APBA1: variants seen among roughly 807,000 people sequenced by gnomAD.
The protein encoded by APBA1 is amyloid beta precursor protein binding family A member 1, also known as amyloid-beta A4 precursor protein-binding family A member 1.
A neutral mutation model predicts 86.6 loss-of-function variants in APBA1; 55 were observed. The observed-to-expected ratio is 0.64, with a 90% confidence interval of 0.51 to 0.80. The LOEUF (loss-of-function observed/expected upper bound fraction) is 0.80, where lower values mean the gene tolerates loss of function less well. APBA1 is among the 30% of genes least tolerant of loss of function. APBA1 has a pLI of 0.00. For missense variants in APBA1, 1,090 were observed against 1,183.0 expected, an observed-to-expected ratio of 0.92 and a Z score of 1.15; for synonymous variants, 511 against 493.9, an observed-to-expected ratio of 1.03 and a Z score of -0.46.
chr9:69,539,348 A>G (rs1263276639), intron 1 of APBA1, among the ~76,000 whole-genome samples: 2 of 152,148 alleles, frequency 1.3e-5, no homozygotes, highest in African/African-American at 2.4e-5. Flanking sequence ...TGTTCTTTCC[A>G]CTGTCTGCCT....
chr9:69,525,600 G>C (rs552321158), intron 1 of APBA1, among the ~76,000 whole-genome samples: 1 of 151,388 alleles, frequency 6.6e-6, no homozygotes, highest in African/African-American at 2.4e-5. Flanking sequence ...ACAAACAAAG[G>C]GTAAAATGGA....
At chr9:69,492,923 C>T (rs1415887803) in intron 2 of APBA1, among the ~76,000 whole-genome samples, 1 of 152,016 alleles carries the variant, frequency 6.6e-6, no homozygotes, top group East Asian at 1.9e-4. Context: ...TTAAAAATTA[C>T]AGAGTTTTGC....
chr9:69,621,694 C>A (rs1174202655), intron 1 of APBA1, among the ~76,000 whole-genome samples: 1 of 8,428 alleles, frequency 1.2e-4, no homozygotes, highest in Non-Finnish European at 1.3e-3. Flanking sequence ...ATATCAAGTA[C>A]TTATTAATAG....
At position 69,672,247 on chromosome 9, in the gene APBA1, C is replaced by T. The variant is rs138398728; in HGVS notation, c.-164G>A. ...TGGGAATAAAGCTCCGCTCCAGCCG[C>T]TGCTGCCTCCAGCGCCACCATCTTC... On this transcript the variant is annotated 5_prime_UTR_variant, in exon 1 of 13. Coordinates refer to ENST00000265381, the MANE Select transcript of APBA1 (RefSeq NM_001163.4). 2,228 of 167,578 alleles carry T rather than the reference C, an allele frequency of 0.013. 57 individuals carry two copies. Among genetic ancestry groups the T allele is most frequent in the African/African-American group, 0.05 (2,099 of 41,700 alleles). 10.4% of individuals were successfully genotyped at this position (167,578 alleles called of 1,614,324 possible).
At chr9:69,649,693 C>A (rs1163983184) in intron 1 of APBA1, among the ~76,000 whole-genome samples, 1 of 152,204 alleles carries the variant, frequency 6.6e-6, no homozygotes, top group Non-Finnish European at 1.5e-5. Flanking sequence ...ATGTAGAATG[C>A]ACAGCACTCA....
intron 1 of APBA1, among the ~76,000 whole-genome samples, chr9:69,584,554 C>T (rs1588378027): frequency 6.6e-6 from 1 of 152,338 alleles, no homozygotes; most frequent in East Asian, 1.9e-4. Flanking sequence ...AACTTCTCCA[C>T]AGGCAAAATG....
At chr9:69,452,368 C>T in intron 8 of APBA1, 67 bp from the exon 9 acceptor site, 2 of 1,498,432 alleles carry the variant, frequency 1.3e-6, no homozygotes, top group African/African-American at 1.4e-5. Context: ...GCCTGGCGCA[C>T]TTCCCACCTG....
At chr9:69,542,147 G>A (rs1014736611) in intron 1 of APBA1, among the ~76,000 whole-genome samples, 3 of 152,236 alleles carry the variant, frequency 2.0e-5, no homozygotes, top group East Asian at 1.9e-4. Context: ...TGAACAAAAT[G>A]TATGGAGTTC....
At chr9:69,569,168 C>T (rs1278303334) in intron 1 of APBA1, among the ~76,000 whole-genome samples, 1 of 152,160 alleles carries the variant, frequency 6.6e-6, no homozygotes, top group African/African-American at 2.4e-5. Context: ...ACTTGGTCAC[C>T]TTCCTAGGGA....
Position 69,534,411 on chromosome 9 carries a change from G to A in APBA1, c.-69-17132C>T, listed in dbSNP as rs537432193. Among the ~76,000 whole-genome samples, 7 of 152,288 alleles carry A rather than the reference G, an allele frequency of 4.6e-5. No homozygotes were observed. The East Asian group carries it at 1.4e-3, about 29-fold the overall frequency. ...CTGAGCTGGGTCATCTAACCAATGAGTTTGCTTTTTCCATGTTCTCTTTCA... is the reference window on the plus strand; with the variant it reads ...CTGAGCTGGGTCATCTAACCAATGAATTTGCTTTTTCCATGTTCTCTTTCA... On this transcript the variant is annotated intron_variant, in intron 1 of 12. Coordinates refer to ENST00000265381, the MANE Select transcript of APBA1 (RefSeq NM_001163.4).
At chr9:69,498,069 T>C (rs10867668) in intron 2 of APBA1, among the ~76,000 whole-genome samples, 22,921 of 151,988 alleles carry the variant, frequency 0.15, 2,350 homozygotes, top group East Asian at 0.28. Flanking sequence ...ATCTCCTCCC[T>C]GGGGAGGGAG....
intron 1 of APBA1, among the ~76,000 whole-genome samples, chr9:69,654,462 C>A (rs961073108): frequency 2.6e-5 from 4 of 151,850 alleles, no homozygotes; most frequent in African/African-American, 7.3e-5. Flanking sequence ...GCCTTGGTGA[C>A]AGAGCAAGAC....
Position 69,435,381 on chromosome 9 carries a change from C to G in APBA1, c.2302-2705G>C, listed in dbSNP as rs576257850. Reference sequence around the variant, plus strand: ...TGAGGAATCGCCACACTGACTTCCACAATGGTTGAACTAGTTTACAGTCCC... The same window carrying G: ...TGAGGAATCGCCACACTGACTTCCAGAATGGTTGAACTAGTTTACAGTCCC... On this transcript the variant is annotated intron_variant, in intron 11 of 12. Transcript: ENST00000265381. Among the ~76,000 whole-genome samples the G allele has an allele frequency of 3.4e-3, 524 of 152,190 alleles. 4 individuals carry two copies. The highest frequency in any genetic ancestry group is 5.8e-3 in the Non-Finnish European group (393 of 68,032).
At chr9:69,539,841 G>A (rs185399044) in intron 1 of APBA1, among the ~76,000 whole-genome samples, 294 of 152,170 alleles carry the variant, frequency 1.9e-3, no homozygotes, top group African/African-American at 6.6e-3. Flanking sequence ...CTTATTAGCC[G>A]GGGGCAGTGG....
intron 2 of APBA1, among the ~76,000 whole-genome samples, chr9:69,500,022 C>T (rs535367283): frequency 1.4e-4 from 22 of 152,138 alleles, no homozygotes; most frequent in African/African-American, 5.1e-4. Context: ...TCTGGAGGGG[C>T]GGTGCATGTT....
chr9:69,631,906 T>C (rs1265295284), intron 1 of APBA1, among the ~76,000 whole-genome samples: 1 of 151,864 alleles, frequency 6.6e-6, no homozygotes, highest in Non-Finnish European at 1.5e-5. Flanking sequence ...GGACCTGTCG[T>C]GGGGTTGGGG....
intron 1 of APBA1, among the ~76,000 whole-genome samples, chr9:69,551,552 CAAAA>C (rs34220920): frequency 7.6e-6 from 1 of 131,728 alleles, no homozygotes. Context: ...GACTCCGCCT[CAAAA>C]AAAAAAAAAA....
At chr9:69,639,574 G>A (rs1329988693) in intron 1 of APBA1, among the ~76,000 whole-genome samples, 2 of 152,096 alleles carry the variant, frequency 1.3e-5, no homozygotes, top group African/African-American at 4.8e-5. Flanking sequence ...AAAATGAAAT[G>A]GATTAAAATA....
intron 1 of APBA1, among the ~76,000 whole-genome samples, chr9:69,658,653 C>T (rs940127981): frequency 1.3e-5 from 2 of 151,638 alleles, no homozygotes; most frequent in Non-Finnish European, 2.9e-5. Context: ...GATCCACCTG[C>T]CTTGGCCTCC....
Sources: allele counts gnomAD v4.1 joint callset (sites outside exome capture counted in the v4.1 genomes callset), GRCh38; gene constraint gnomAD v4.1.1; transcripts MANE v1.5; gene names NCBI Gene and HGNC (gene_info 2026-07-23, HGNC 2026-07-21).